Variants in ARID5A observed in about 807,000 individuals in gnomAD.
ARID5A encodes the protein AT-rich interaction domain 5A, also known as AT-rich interactive domain-containing protein 5A.
In ARID5A, 14 loss-of-function variants were observed where a neutral mutation model predicts 30.5. The observed-to-expected ratio is 0.46, with a 90% CI of 0.30 to 0.72. The LOEUF is 0.72. ARID5A is among the 30% of genes least tolerant of loss of function. ARID5A has a pLI of 0.07. For synonymous variants in ARID5A, 338 were observed against 340.4 expected (o/e 0.99, Z 0.08); for missense variants, 669 against 786.2 (o/e 0.85, Z 1.78).
At chr2:96,541,832 ACAC>A (rs2065850539) in intron 1 of ARID5A, among the ~76,000 whole-genome samples, 1 of 152,266 alleles carries the variant, frequency 6.6e-6, no homozygotes, top group African/African-American at 2.4e-5. Flanking sequence ...AAGAATCTGC[ACAC>A]ACAGGCTGGG....
chr2:96,538,875 C>G (rs563622188), intron 1 of ARID5A, among the ~76,000 whole-genome samples: 10 of 152,024 alleles, frequency 6.6e-5, no homozygotes, highest in Non-Finnish European at 8.8e-5. Flanking sequence ...GTGAGTGGGG[C>G]GGGCAGCAGA....
rs2066016239 is a variant in ARID5A at position 96,550,539 on chromosome 2, C to T, written c.411-35C>T. 5.1e-6 allele frequency: 8 copies of T among 1,561,410 alleles called. No homozygotes were observed. Among genetic ancestry groups the T allele is most frequent in the Non-Finnish European group, 6.1e-6 (7 of 1,153,270 alleles). On this transcript the variant is annotated intron_variant, in intron 5 of 6. Coordinates refer to ENST00000357485, the MANE Select transcript of ARID5A (RefSeq NM_212481.3). The surrounding 1 kb of genome is among the most constrained non-coding windows in gnomAD (Gnocchi z 6.6). ...AGAGGCCCAGGGAGGGGATGGGCGC[C>T]GGCCTCCTGGGGGACATGCGTGGTT...
chr2:96,543,700 G>C (rs144013165), intron 1 of ARID5A, among the ~76,000 whole-genome samples: 1 of 152,072 alleles, frequency 6.6e-6, no homozygotes, highest in African/African-American at 2.4e-5. Context: ...TGGCCTCCCT[G>C]TTGCCTAAGG....
In ARID5A at chr2:96,545,139, CTTTTCT is replaced by C. The variant is rs1177441935; in HGVS notation, c.5-2246_5-2241del. Among the ~76,000 whole-genome samples, 10 of 143,632 alleles carry C rather than the reference CTTTTCT, an allele frequency of 7.0e-5. No individual in the cohort carries two copies. The East Asian group carries it at 1.8e-3, about 26-fold the overall frequency. 94.2% of individuals were successfully genotyped at this position (143,632 alleles called of 152,430 possible). On this transcript the variant is annotated intron_variant, in intron 1 of 6. Coordinates refer to ENST00000357485, the MANE Select transcript of ARID5A (RefSeq NM_212481.3). ...TTCTTCTTTTTTTTTCTTTCCTTTT[CTTTTCT>C]TTTTCTTTTTCTTTTTTTTTTTTTT...
In ARID5A at chr2:96,541,101, G is replaced by GAGCTC. The variant is rs2065837564; in HGVS notation, c.4+4278_4+4282dup. 3.7e-5 allele frequency among the ~76,000 whole-genome samples: 5 copies of GAGCTC among 136,230 alleles called. No homozygotes were observed. In the South Asian group the frequency reaches 1.2e-3, roughly 33 times the overall value. 89.4% of individuals were successfully genotyped at this position (136,230 alleles called of 152,430 possible). On this transcript the variant is annotated intron_variant, in intron 1 of 6. Transcript: ENST00000357485. Reference sequence around the variant, plus strand: ...TCGCCAGGCTGGAATGCAGTGGCGCGAGCTCAGCTCACTGCAACCTCCACC... The same window carrying GAGCTC: ...TCGCCAGGCTGGAATGCAGTGGCGCGAGCTCAGCTCAGCTCACTGCAACCTCCACC...
rs760604115 is a variant in ARID5A, at chr2:96,551,725, C to T, written c.1197C>T (p.Phe399=). ...GAGACGCTAACCGCCCTTCTGCGTT[C>T]CATAAAGGTGGCTCCAGAAAGGGCA... ...WGGDANRPSA[F]HKGGSRKGIL... The change falls in exon 7 of 7, where the codon TTC becomes TTT. Residue 399 remains phenylalanine (F), a synonymous_variant. Transcript: ENST00000357485. 2 of 1,518,974 alleles carry T rather than the reference C, an allele frequency of 1.3e-6. No individual in the cohort carries two copies. The allele number at this position is 1,518,974 out of a possible 1,614,324, so 94.1% of individuals were successfully genotyped here. A position where few individuals can be genotyped will look rare whatever the true frequency, so the allele number is the denominator to read the frequency against.
rs773550020 is a variant in ARID5A at position 96,551,806 on chromosome 2, C to T, written c.1278C>T (p.Ala426=). The T allele has an allele frequency of 2.1e-5, 33 of 1,586,708 alleles. No individual in the cohort carries two copies. Among genetic ancestry groups the T allele is most frequent in the Non-Finnish European group, 2.5e-5 (29 of 1,168,574 alleles). The change falls in exon 7 of 7, where the codon GCC becomes GCT. Residue 426 remains alanine, a synonymous_variant. Transcript: ENST00000357485. ...CWVSPMAKVP[A]ESPTLPPTFP... is the part of the protein sequence containing the mutation. Reference sequence around the variant, plus strand: ...TGTCCCCCATGGCCAAGGTCCCAGCCGAGAGCCCCACGCTCCCGCCCACCT... The same window carrying T: ...TGTCCCCCATGGCCAAGGTCCCAGCTGAGAGCCCCACGCTCCCGCCCACCT...
Position 96,552,467 on chromosome 2 carries a change from T to C in ARID5A, c.*154T>C, listed in dbSNP as rs2066074349. On this transcript the variant is annotated 3_prime_UTR_variant, in exon 7 of 7. Coordinates refer to ENST00000357485, the MANE Select transcript of ARID5A (RefSeq NM_212481.3). ...CTGGCACAAGTGAAGAAGAAGGCAG[T>C]GGGAAAACTGGGTTTATCTCAAGGC... The C allele has an allele frequency of 4.5e-6, 7 of 1,540,296 alleles. No individual in the cohort carries two copies. The highest frequency in any genetic ancestry group is 6.1e-6 in the Non-Finnish European group (7 of 1,147,240).
chr2:96,551,888 C>A lies in ARID5A; in HGVS notation c.1360C>A (p.His454Asn). 6.4e-7 allele frequency: 1 copy of A among 1,562,750 alleles called. No homozygotes were observed. The highest frequency in any genetic ancestry group is 8.6e-7 in the Non-Finnish European group (1 of 1,158,992). ...KRSLEEEGAA[H>N]SGKRLRAVSP... The stretch of plus-strand genomic sequence containing the variant: ...CAGCCTGGAGGAAGAGGGTGCTGCC[C>A]ACAGTGGGAAGAGACTGCGGGCCGT... Residue 454 changes from histidine to asparagine, a missense_variant, in exon 7 of 7, where the codon CAC becomes AAC. Physicochemically the swap from His to Asn is moderately conservative, Grantham distance 68. Around this residue, in one of 4 missense-constraint regions of ARID5A, gnomAD observed 548 missense variants for 577.4 expected, o/e 0.95. Transcript: ENST00000357485.
In ARID5A at chr2:96,537,808, C is replaced by T. The variant is rs2065767134; in HGVS notation, c.4+978C>T. 1 of 956,008 alleles carries T rather than the reference C, an allele frequency of 1.0e-6. No homozygotes were observed. The highest frequency in any genetic ancestry group is 1.2e-6 in the Non-Finnish European group (1 of 803,092). The allele number at this position is 956,008 out of a possible 1,614,324, so 59.2% of individuals were successfully genotyped here. A position where few individuals can be genotyped will look rare whatever the true frequency, so the allele number is the denominator to read the frequency against. ...CCCAGCGCCGGCGTGGTGGGGCTTG[C>T]GCGGTGCAGGACCCCCGAGGGCCCA... On this transcript the variant is annotated intron_variant, in intron 1 of 6. Coordinates refer to ENST00000357485, the MANE Select transcript of ARID5A (RefSeq NM_212481.3). This position sits in a 1 kb window ranked among gnomAD's most constrained non-coding sequence, Gnocchi z 4.8.
In ARID5A at chr2:96,549,658, G is replaced by C; in HGVS notation, c.260-95G>C. On this transcript the variant is annotated intron_variant, in intron 3 of 6. Transcript: ENST00000357485. The surrounding 1 kb of genome is among the most constrained non-coding windows in gnomAD (Gnocchi z 6.1). ...AGTGGCCCTGGCTGGGTGTGTGCTG[G>C]TCTGTGCCTGGCCTGTCAGGGCACC... 1.3e-6 allele frequency: 2 copies of C among 1,579,552 alleles called. No homozygotes were observed. The highest frequency in any genetic ancestry group is 1.7e-6 in the Non-Finnish European group (2 of 1,149,868).
chr2:96,545,245 C>T (rs1485664623), intron 1 of ARID5A, among the ~76,000 whole-genome samples: 1 of 149,692 alleles, frequency 6.7e-6, no homozygotes, highest in African/African-American at 2.5e-5. Flanking sequence ...CAGCCTCCGC[C>T]TCCTAGGTTC....
In ARID5A at chr2:96,538,372, G is replaced by T. The variant is rs1053110406; in HGVS notation, c.4+1542G>T. On this transcript the variant is annotated intron_variant, in intron 1 of 6. Transcript: ENST00000357485. ...TTGGAAGTTGGTAGCCTCACATTCAGTGTCCCCCGCACCTCCTTCCCTTTC... is the reference window on the plus strand; with the variant it reads ...TTGGAAGTTGGTAGCCTCACATTCATTGTCCCCCGCACCTCCTTCCCTTTC... 4.1e-6 allele frequency: 4 copies of T among 975,532 alleles called. No individual in the cohort carries two copies. In the African/African-American group the frequency reaches 7.0e-5, roughly 17 times the overall value. 60.4% of individuals were successfully genotyped at this position (975,532 alleles called of 1,614,324 possible). A position where few individuals can be genotyped will look rare whatever the true frequency, so the allele number is the denominator to read the frequency against.
chr2:96,542,515 T>A (rs983252952), intron 1 of ARID5A, among the ~76,000 whole-genome samples: 1 of 152,142 alleles, frequency 6.6e-6, no homozygotes, highest in Admixed American at 6.6e-5. Context: ...CTCTGAACCA[T>A]GCAGAAGGGA....
At position 96,539,209 on chromosome 2, in the gene ARID5A, T is replaced by C. The variant is rs2065800529; in HGVS notation, c.4+2379T>C. Among the ~76,000 whole-genome samples, 1 of 152,132 alleles carries C rather than the reference T, an allele frequency of 6.6e-6. No individual in the cohort carries two copies. Among genetic ancestry groups the C allele is most frequent in the South Asian group, 2.1e-4 (1 of 4,830 alleles). On this transcript the variant is annotated intron_variant, in intron 1 of 6. Transcript: ENST00000357485. The surrounding 1 kb of genome is among the most constrained non-coding windows in gnomAD (Gnocchi z 4.7). Reference sequence around the variant, plus strand: ...GAGTCTAGCACGCCCATCTTGTAGATGGGGAAAGGGAGATACAGAACCAGT... The same window carrying C: ...GAGTCTAGCACGCCCATCTTGTAGACGGGGAAAGGGAGATACAGAACCAGT...
chr2:96,539,469 T>C lies in ARID5A; in HGVS notation c.4+2639T>C, dbSNP rs1035739623. 6.6e-6 allele frequency among the ~76,000 whole-genome samples: 1 copy of C among 152,242 alleles called. No homozygotes were observed. Among genetic ancestry groups the C allele is most frequent in the Non-Finnish European group, 1.5e-5 (1 of 68,044 alleles). ...CAACCACCGCCCGACTGCCTTCACC[T>C]TCCTGCCTTTGCATACCTGCCTTTG... On this transcript the variant is annotated intron_variant, in intron 1 of 6. Transcript: ENST00000357485. The surrounding 1 kb of genome is among the most constrained non-coding windows in gnomAD (Gnocchi z 4.7).
Position 96,551,764 on chromosome 2 carries a change from G to A in ARID5A, c.1236G>A (p.Lys412=). The A allele has an allele frequency of 2.0e-6, 3 of 1,531,880 alleles. No individual in the cohort carries two copies. The highest frequency in any genetic ancestry group is 1.4e-5 in the African/African-American group (1 of 71,940). The allele number at this position is 1,531,880 out of a possible 1,614,324, so 94.9% of individuals were successfully genotyped here. A position where few individuals can be genotyped will look rare whatever the true frequency, so the allele number is the denominator to read the frequency against. The change falls in exon 7 of 7, where the codon AAG becomes AAA. Residue 412 remains lysine (K), a synonymous_variant. Transcript: ENST00000357485. ...GGSRKGILYP[K]PKACWVSPMA... is the part of the protein sequence containing the mutation. The stretch of plus-strand genomic sequence containing the variant: ...CCAGAAAGGGCATCCTCTACCCCAA[G>A]CCCAAAGCCTGCTGGGTGTCCCCCA...
At position 96,549,994 on chromosome 2, in the gene ARID5A, C is replaced by T; in HGVS notation, c.312+189C>T. 4 of 1,534,700 alleles carry T rather than the reference C, an allele frequency of 2.6e-6. No homozygotes were observed. Among genetic ancestry groups the T allele is most frequent in the South Asian group, 2.4e-5 (2 of 82,936 alleles). On this transcript the variant is annotated intron_variant, in intron 4 of 6. Transcript: ENST00000357485. The surrounding 1 kb of genome is among the most constrained non-coding windows in gnomAD (Gnocchi z 6.1). ...TTTCAGCCTTCCCCATCTGTTCTGC[C>T]CGCCCCGTGTTGGGAAAACTGCTTG...
At chr2:96,548,703 G>A (rs1258221851) in intron 2 of ARID5A, among the ~76,000 whole-genome samples, 2 of 152,314 alleles carry the variant, frequency 1.3e-5, no homozygotes, top group East Asian at 1.9e-4. Context: ...CTGGATAAAC[G>A]GCATCAGCAG....
Sources: gnomAD v4.1 joint callset for allele counts (sites outside exome capture counted in the v4.1 genomes callset) on GRCh38, gnomAD v4.1.1 for gene constraint, gnomAD v4.1.1 regional missense constraint, Gnocchi (gnomAD v3.1) non-coding constraint, MANE v1.5 for transcripts, NCBI Gene and HGNC (gene_info 2026-07-23, HGNC 2026-07-21) for gene names.